Variants in RAD52 observed in about 807,000 individuals in gnomAD.
RAD52 encodes the protein RAD52 DNA repair protein.
A neutral mutation model predicts 55.5 loss-of-function variants in RAD52; 47 were observed. That is an observed-to-expected ratio of 0.85 (90% CI 0.67 to 1.08). RAD52 has a LOEUF of 1.08. RAD52 is among the 50% of genes least tolerant of loss of function. The pLI is 0.00. For missense variants in RAD52, 468 were observed against 522.8 expected, an observed-to-expected ratio of 0.90 and a Z score of 1.02; for synonymous variants, 184 against 198.9, an observed-to-expected ratio of 0.92 and a Z score of 0.63.
intron 1 of RAD52, among the ~76,000 whole-genome samples, chr12:934,445 A>G (rs1394034137): frequency 8.0e-6 from 1 of 125,248 alleles, no homozygotes; most frequent in East Asian, 2.4e-4. Flanking sequence ...CCTGGGCGAG[A>G]GTGAGACTCC....
chr12:972,626 C>G (rs1039132310), intron 1 of RAD52, among the ~76,000 whole-genome samples: 7 of 151,896 alleles, frequency 4.6e-5, no homozygotes, highest in Non-Finnish European at 8.8e-5. Flanking sequence ...ATTAGCCGGG[C>G]GTGGTGGCGG....
At chr12:943,880 T>G (rs1592431634) in intron 1 of RAD52, among the ~76,000 whole-genome samples, 1 of 151,980 alleles carries the variant, frequency 6.6e-6, no homozygotes, top group East Asian at 1.9e-4. Flanking sequence ...TCTTCTCATC[T>G]TCTTCCAGAA....
At position 961,309 on chromosome 12, in the gene RAD52, C is replaced by CAAAAAAAAAAAA. The variant is rs60547688; in HGVS notation, c.-18-28245_-18-28234dup. Among the ~76,000 whole-genome samples, 12 of 33,808 alleles carry CAAAAAAAAAAAA rather than the reference C, an allele frequency of 3.5e-4. No homozygotes were observed. The East Asian group carries it at 6.7e-3, about 19-fold the overall frequency. 22.2% of individuals were successfully genotyped at this position (33,808 alleles called of 152,430 possible). Reference sequence around the variant, plus strand: ...TGGGTGACAGAGTGAGACTCCATCTCAAAAAAAAAAAAAAAAAAAAAAAGG... The same window carrying CAAAAAAAAAAAA: ...TGGGTGACAGAGTGAGACTCCATCTCAAAAAAAAAAAAAAAAAAAAAAAAAAAAAAAAAAAGG... On this transcript the variant is annotated intron_variant, in intron 1 of 11. Transcript: ENST00000430095.
intron 1 of RAD52, among the ~76,000 whole-genome samples, chr12:963,233 C>T (rs942921405): frequency 6.6e-6 from 1 of 152,086 alleles, no homozygotes; most frequent in African/African-American, 2.4e-5. Flanking sequence ...GATTCTCAAT[C>T]TTTTTAGCCA....
intron 6 of RAD52, chr12:926,678 TA>T: frequency 8.9e-7 from 1 of 1,119,698 alleles, no homozygotes; most frequent in African/African-American, 1.6e-5. Context: ...CACAGAATCA[TA>T]AGCCAATCAA....
At chr12:951,616 G>C (rs1958529605), upstream of RAD52, among the ~76,000 whole-genome samples, 1 of 152,086 alleles carries the variant, frequency 6.6e-6, no homozygotes, top group Admixed American at 6.6e-5. Context: ...CCAGCTAGAT[G>C]TTTATTAATT....
At chr12:964,822 C>T (rs755322809) in intron 1 of RAD52, among the ~76,000 whole-genome samples, 21 of 152,042 alleles carry the variant, frequency 1.4e-4, no homozygotes, top group Non-Finnish European at 2.8e-4. Flanking sequence ...AGTGTTCCTC[C>T]TGCCTGGGAC....
chr12:933,577 G>A (rs1957453658), intron 1 of RAD52, among the ~76,000 whole-genome samples: 2 of 152,040 alleles, frequency 1.3e-5, no homozygotes, highest in South Asian at 2.1e-4. Context: ...TCAAGCTGCT[G>A]AAGATTCTTT....
At chr12:947,334 AAAC>A (rs1322507418) in intron 1 of RAD52, among the ~76,000 whole-genome samples, 1 of 151,274 alleles carries the variant, frequency 6.6e-6, no homozygotes, top group African/African-American at 2.4e-5. Flanking sequence ...CCCCCCAAAA[AAAC>A]AACAGACAAA....
intron 1 of RAD52, among the ~76,000 whole-genome samples, chr12:963,526 C>T (rs1415760296): frequency 6.6e-6 from 1 of 152,044 alleles, no homozygotes; most frequent in Admixed American, 6.6e-5. Context: ...TTTTAATTAT[C>T]CCATCCATAA....
chr12:928,478 T>C (rs1565666247), intron 5 of RAD52, among the ~76,000 whole-genome samples: 1 of 151,612 alleles, frequency 6.6e-6, no homozygotes, highest in Non-Finnish European at 1.5e-5. Flanking sequence ...GATTGAACCA[T>C]TGCCCTCCAG....
At chr12:933,897 G>A (rs564306093) in intron 1 of RAD52, among the ~76,000 whole-genome samples, 76 of 152,052 alleles carry the variant, frequency 5.0e-4, no homozygotes, top group African/African-American at 1.8e-3. Context: ...CAAGGCAGAA[G>A]GACTGCTTGA....
At chr12:991,095 C>G (rs1303858167), upstream of RAD52, 1 of 151,360 alleles carries the variant, frequency 6.6e-6, no homozygotes, top group Admixed American at 6.6e-5. Flanking sequence ...GCCGCCGCGT[C>G]ACGCTCCCGG....
chr12:946,873 C>T (rs1402130686), intron 1 of RAD52, among the ~76,000 whole-genome samples: 2 of 152,218 alleles, frequency 1.3e-5, no homozygotes, highest in African/African-American at 2.4e-5. Flanking sequence ...TCCAACTACA[C>T]CGTTTATACT....
chr12:945,320 TAGCCTGAGCAAGAGTG>T (rs750841013), intron 1 of RAD52, among the ~76,000 whole-genome samples: 25 of 149,822 alleles, frequency 1.7e-4, no homozygotes, highest in Non-Finnish European at 3.0e-4. Context: ...CACTGCACTC[TAGCCTGAGCAAGAGTG>T]AGACTCTGTC....
intron 1 of RAD52, 49 bp from the exon 2 acceptor site, chr12:933,125 A>T: frequency 7.4e-7 from 1 of 1,350,390 alleles, no homozygotes; most frequent in Non-Finnish European, 1.0e-6. Flanking sequence ...AAGAATGTTT[A>T]AAGTAAAAGG....
At chr12:984,827 G>A (rs1299908354) in intron 1 of RAD52, among the ~76,000 whole-genome samples, 3 of 152,128 alleles carry the variant, frequency 2.0e-5, no homozygotes, top group Admixed American at 2.0e-4. Context: ...ACCATGCCCG[G>A]CTAATTTTTT....
intron 1 of RAD52, among the ~76,000 whole-genome samples, chr12:972,078 T>C (rs1958867006): frequency 6.6e-6 from 1 of 152,152 alleles, no homozygotes; most frequent in Non-Finnish European, 1.5e-5. Flanking sequence ...TCACAAAATA[T>C]GGGAGGAATA....
rs1001937669 is a variant in RAD52, at chr12:914,879, C to T, written c.866-347G>A. On this transcript the variant is annotated intron_variant, in intron 9 of 11. Coordinates refer to ENST00000358495, the MANE Select transcript of RAD52 (RefSeq NM_134424.4). ...ACAAAATCTTAAACTAAAATCTGACCAGGCACAGTGGCTCACACCTGTAAC... is the reference window on the plus strand; with the variant it reads ...ACAAAATCTTAAACTAAAATCTGACTAGGCACAGTGGCTCACACCTGTAAC... Among the ~76,000 whole-genome samples the T allele has an allele frequency of 9.2e-5, 14 of 152,162 alleles. 1 individual carries two copies. The highest frequency in any genetic ancestry group is 7.2e-4 in the Admixed American group (11 of 15,272).
Sources: allele counts gnomAD v4.1 joint callset (sites outside exome capture counted in the v4.1 genomes callset), GRCh38; gene constraint gnomAD v4.1.1; transcripts MANE v1.5; gene names NCBI Gene and HGNC (gene_info 2026-07-23, HGNC 2026-07-21).